Variants in HIBCH observed in about 807,000 individuals in gnomAD.
The protein encoded by HIBCH is 3-hydroxyisobutyryl-CoA hydrolase.
Under a neutral mutation model 58.2 loss-of-function variants are expected in HIBCH, and 50 were observed. The ratio of observed to expected loss-of-function variants is 0.86; its 90% CI spans 0.68 to 1.09. HIBCH has a LOEUF of 1.09. HIBCH is among the 50% of genes least tolerant of loss of function. HIBCH has a pLI of 0.00. For synonymous variants in HIBCH, 151 were observed against 146.9 expected (o/e 1.03, Z -0.20); for missense variants, 450 against 449.7 (o/e 1.00, Z -0.01).
chr2:190,201,020 T>G (rs1690221659), downstream of HIBCH: 1 of 166,598 alleles, frequency 6.0e-6, no homozygotes. Flanking sequence ...TCCAGTTTTT[T>G]CTTGACTAGT....
At chr2:190,196,564 C>T (rs1387849385) in intron 1 of HIBCH, among the ~76,000 whole-genome samples, 2 of 148,288 alleles carry the variant, frequency 1.3e-5, no homozygotes, top group Non-Finnish European at 1.5e-5. Context: ...GATTTTCCTG[C>T]CTCTTTGTAT....
At chr2:190,249,435 G>A (rs1237843569) in intron 9 of HIBCH, among the ~76,000 whole-genome samples, 1 of 152,184 alleles carries the variant, frequency 6.6e-6, no homozygotes, top group Admixed American at 6.5e-5. Context: ...AGACAGCTAT[G>A]CAGCTGCACA....
At chr2:190,226,361 C>T (rs867463179) in intron 11 of HIBCH, among the ~76,000 whole-genome samples, 38 of 152,152 alleles carry the variant, frequency 2.5e-4, no homozygotes, top group African/African-American at 8.7e-4. Flanking sequence ...TTTGGGAGGT[C>T]GAGGCGGGCA....
chr2:190,257,573 C>A (rs1268492746), intron 7 of HIBCH, among the ~76,000 whole-genome samples: 1 of 152,092 alleles, frequency 6.6e-6, no homozygotes, highest in African/African-American at 2.4e-5. Context: ...AAGGAGTCTA[C>A]AGATATTAAA....
intron 13 of HIBCH, among the ~76,000 whole-genome samples, chr2:190,208,474 A>G (rs1690445809): frequency 6.6e-6 from 1 of 152,212 alleles, no homozygotes; most frequent in African/African-American, 2.4e-5. Flanking sequence ...ACAGTGGCCA[A>G]GTTATGTGAA....
At chr2:190,247,428 T>C (rs1334664022) in intron 9 of HIBCH, among the ~76,000 whole-genome samples, 1 of 152,198 alleles carries the variant, frequency 6.6e-6, no homozygotes, top group East Asian at 1.9e-4. Flanking sequence ...GAAATCCTCA[T>C]GTGCTCTGTA....
chr2:190,284,926 C>A (rs1339364343), intron 6 of HIBCH, among the ~76,000 whole-genome samples: 1 of 152,224 alleles, frequency 6.6e-6, no homozygotes, highest in Non-Finnish European at 1.5e-5. Flanking sequence ...CATTTCTGTT[C>A]CAAGTATCTG....
intron 11 of HIBCH, among the ~76,000 whole-genome samples, chr2:190,234,034 G>A (rs1232929002): frequency 6.6e-6 from 1 of 152,152 alleles, no homozygotes; most frequent in Non-Finnish European, 1.5e-5. Context: ...GCACATGCCT[G>A]TAATCCCAGA....
At position 190,261,120 on chromosome 2, in the gene HIBCH, C is replaced by T. The variant is rs759423846; in HGVS notation, c.517+36G>A. The stretch of plus-strand genomic sequence containing the variant: ...TGAAACATATCAAAAGAAGATGATG[C>T]TAAAAGTAATTATAAAAAAAATTCT... On this transcript the variant is annotated intron_variant, in intron 7 of 13. Transcript: ENST00000359678. The T allele has an allele frequency of 5.5e-6, 8 of 1,456,596 alleles. No individual in the cohort carries two copies. In the African/African-American group the frequency reaches 7.0e-5, roughly 13 times the overall value. The allele number at this position is 1,456,596 out of a possible 1,614,324, so 90.2% of individuals were successfully genotyped here.
In HIBCH at chr2:190,197,738, A is replaced by G. The variant is rs1428542089; in HGVS notation, c.*17+7362T>C. On this transcript the variant is annotated intron_variant, in intron 1 of 1. Transcript: ENST00000399855. The surrounding 1 kb of genome is among the most constrained non-coding windows in gnomAD (Gnocchi z 4.0). ...CTATGCCTGAAAATAATGGCAACAT[A>G]TATTTTGTCTGGTTTTAAAACTGGT... Among the ~76,000 whole-genome samples the G allele has an allele frequency of 6.6e-6, 1 of 152,216 alleles. No individual in the cohort carries two copies. Among genetic ancestry groups the G allele is most frequent in the Non-Finnish European group, 1.5e-5 (1 of 68,030 alleles).
intron 6 of HIBCH, among the ~76,000 whole-genome samples, chr2:190,271,546 T>G (rs1442942621): frequency 6.6e-6 from 1 of 152,106 alleles, no homozygotes; most frequent in Non-Finnish European, 1.5e-5. Flanking sequence ...TGCCTCCACC[T>G]CCCAAAGTGC....
intron 11 of HIBCH, among the ~76,000 whole-genome samples, chr2:190,241,975 C>T (rs995053237): frequency 2.6e-5 from 4 of 152,074 alleles, no homozygotes; most frequent in Admixed American, 2.0e-4. Context: ...ATCTTCGCGG[C>T]GTTCTCTGTA....
chr2:190,310,772 A>G lies in HIBCH; in HGVS notation c.60T>C (p.Asn20=), dbSNP rs746332263. 2 of 1,609,680 alleles carry G rather than the reference A, an allele frequency of 1.2e-6. No individual in the cohort carries two copies. The highest frequency in any genetic ancestry group is 1.1e-5 in the South Asian group (1 of 90,992). The change falls in exon 2 of 14, where the codon AAT becomes AAC. Residue 20 remains asparagine, a synonymous_variant. Coordinates refer to ENST00000359678, the MANE Select transcript of HIBCH (RefSeq NM_014362.4). ...MSRFNAFKRT[N]TILHHLRMSK... is the part of the protein sequence containing the mutation. ...AACTTACCAAATGGTGCAGTATGGT[A>G]TTAGTCCTTTTGAATGCATTAAACC...
Position 190,296,422 on chromosome 2 carries a change from CA to C in HIBCH, c.219+390del, listed in dbSNP as rs367597129. 6.2e-4 allele frequency among the ~76,000 whole-genome samples: 83 copies of C among 134,818 alleles called. No homozygotes were observed. In the East Asian group the frequency reaches 7.0e-3, roughly 11 times the overall value. The allele number at this position is 134,818 out of a possible 152,430, so 88.4% of individuals were successfully genotyped here. On this transcript the variant is annotated intron_variant, in intron 3 of 13. Transcript: ENST00000359678. ...GCGACAGAGTGAGACTCCTCCGTCTCAAAAAAAAAAAAAAGCAGCTGTCTTC... is the reference window on the plus strand; with the variant it reads ...GCGACAGAGTGAGACTCCTCCGTCTCAAAAAAAAAAAAAGCAGCTGTCTTC...
chr2:190,223,804 G>A (rs374367031), intron 11 of HIBCH, among the ~76,000 whole-genome samples: 9 of 152,326 alleles, frequency 5.9e-5, no homozygotes, highest in South Asian at 2.1e-4. Context: ...GAAGATGGCC[G>A]AATAGGAACA....
intron 6 of HIBCH, among the ~76,000 whole-genome samples, chr2:190,277,742 A>C (rs988828391): frequency 6.6e-6 from 1 of 152,198 alleles, no homozygotes; most frequent in African/African-American, 2.4e-5. Context: ...CCACACCCAC[A>C]GAGAGTAAAT....
At chr2:190,198,743 T>A (rs1211549713) in intron 1 of HIBCH, among the ~76,000 whole-genome samples, 1 of 152,056 alleles carries the variant, frequency 6.6e-6, no homozygotes, top group Non-Finnish European at 1.5e-5. Flanking sequence ...TTAATCTCAT[T>A]CATAGAGATT....
Position 190,214,048 on chromosome 2 carries a change from T to C in HIBCH, c.892-973A>G, listed in dbSNP as rs1241221098. On this transcript the variant is annotated intron_variant, in intron 11 of 13. Transcript: ENST00000359678. This position sits in a 1 kb window ranked among gnomAD's most constrained non-coding sequence, Gnocchi z 5.5. The stretch of plus-strand genomic sequence containing the variant: ...CCATACGGCTATCTCTGTGCCTGTA[T>C]GGAGTTAAGACTCCAGCCGAGAAGG... 1 of 152,352 alleles carries C rather than the reference T, an allele frequency of 6.6e-6. No homozygotes were observed. Among genetic ancestry groups the C allele is most frequent in the Middle Eastern group, 3.4e-3 (1 of 296 alleles). The allele number at this position is 152,352 out of a possible 1,614,324, so 9.4% of individuals were successfully genotyped here.
intron 11 of HIBCH, among the ~76,000 whole-genome samples, chr2:190,226,226 C>T (rs1366407469): frequency 6.6e-6 from 1 of 152,162 alleles, no homozygotes; most frequent in Admixed American, 6.5e-5. Flanking sequence ...TCTCACCACT[C>T]CTATTCAACA....
Sources: allele counts gnomAD v4.1 joint callset (sites outside exome capture counted in the v4.1 genomes callset), GRCh38; gene constraint gnomAD v4.1.1; non-coding constraint Gnocchi (gnomAD v3.1); transcripts MANE v1.5; gene names NCBI Gene and HGNC (gene_info 2026-07-23, HGNC 2026-07-21).